ZNF516: variants seen among roughly 807,000 people sequenced by gnomAD.
The protein encoded by ZNF516 is zinc finger protein 516.
In ZNF516, 19 loss-of-function variants were observed where a neutral mutation model predicts 79.7. That is an observed-to-expected ratio of 0.24 (90% CI 0.17 to 0.35). ZNF516 has a LOEUF of 0.35. Among genes scored for constraint, ZNF516 ranks in the 10% least tolerant of loss-of-function variants. The pLI, the probability that ZNF516 is intolerant of heterozygous loss-of-function variation, is 1.00. For synonymous variants in ZNF516, 877 were observed against 739.5 expected (o/e 1.19, Z -3.02); for missense variants, 1,678 against 1,679.5 (o/e 1.00, Z 0.02).
At position 76,451,638 on chromosome 18, in the gene ZNF516, C is replaced by T. The variant is rs926833498; in HGVS notation, c.-157-8427G>A. The stretch of plus-strand genomic sequence containing the variant: ...CTACTACGGGGTCGGCGCAGAAGCC[C>T]GTGCGTGTGCTGAGTGGGTGCAAGG... On this transcript the variant is annotated intron_variant, in intron 2 of 6. Coordinates refer to ENST00000443185, the MANE Select transcript of ZNF516 (RefSeq NM_014643.4). This position sits in a 1 kb window ranked among gnomAD's most constrained non-coding sequence, Gnocchi z 6.0. Among the ~76,000 whole-genome samples the T allele has an allele frequency of 2.6e-5, 4 of 152,198 alleles. No homozygotes were observed. The highest frequency in any genetic ancestry group is 1.9e-4 in the East Asian group (1 of 5,198).
At chr18:76,371,407 G>A (rs1031102103) in intron 5 of ZNF516, 60 bp downstream of exon 5, 1 of 1,493,994 alleles carries the variant, frequency 6.7e-7, no homozygotes, top group Non-Finnish European at 9.1e-7. Context: ...TCAAGCCACT[G>A]ACAGAAGAGA....
At chr18:76,465,189 T>C (rs1398294533) in intron 1 of ZNF516, among the ~76,000 whole-genome samples, 2 of 152,220 alleles carry the variant, frequency 1.3e-5, no homozygotes, top group Non-Finnish European at 2.9e-5. Context: ...CAAGCTATTT[T>C]CTGGCTTAGT....
At chr18:76,417,735 A>AT (rs1196828016) in intron 3 of ZNF516, among the ~76,000 whole-genome samples, 12 of 152,226 alleles carry the variant, frequency 7.9e-5, no homozygotes, top group African/African-American at 2.7e-4. Context: ...TCCTACAAAT[A>AT]TATGTATCAT....
At chr18:76,492,069 T>G (rs746005406) in intron 1 of ZNF516, 577 of 781,898 alleles carry the variant, frequency 7.4e-4, no homozygotes, top group Non-Finnish European at 8.6e-4. Context: ...CACCCGCGCA[T>G]GGACGAGGTC....
upstream of ZNF516, chr18:76,495,824 C>A: frequency 1.0e-6 from 1 of 958,356 alleles, no homozygotes; most frequent in Non-Finnish European, 1.3e-6. Context: ...GTGTGCGTGT[C>A]ACTCAACTTC....
intron 3 of ZNF516, among the ~76,000 whole-genome samples, chr18:76,408,029 G>A (rs899088815): frequency 6.6e-6 from 1 of 152,200 alleles, no homozygotes; most frequent in Admixed American, 6.5e-5. Context: ...GTTTTGGCAC[G>A]CTAGACATGC....
chr18:76,491,679 G>C (rs182913328), intron 1 of ZNF516: 2 of 398,992 alleles, frequency 5.0e-6, no homozygotes, highest in Non-Finnish European at 6.4e-6. Flanking sequence ...CCCCCACCCC[G>C]GGGCGGGCAG....
At chr18:76,447,071 C>A (rs1429741774) in intron 2 of ZNF516, among the ~76,000 whole-genome samples, 2 of 152,170 alleles carry the variant, frequency 1.3e-5, no homozygotes, top group South Asian at 4.1e-4. Context: ...TTCCCTGCAA[C>A]GAACTCTCCT....
chr18:76,486,913 C>G lies in ZNF516; in HGVS notation c.-272+8231G>C, dbSNP rs75307678. Among the ~76,000 whole-genome samples the G allele has an allele frequency of 1.4e-4, 21 of 152,062 alleles. No homozygotes were observed. In the East Asian group the frequency reaches 3.7e-3, roughly 27 times the overall value. On this transcript the variant is annotated intron_variant, in intron 1 of 6. Coordinates refer to ENST00000443185, the MANE Select transcript of ZNF516 (RefSeq NM_014643.4). ...AAACAGGAATACGAAGTAAATCTAC[C>G]AGAATTAACACAGAGTTAAAATACA...
intron 3 of ZNF516, among the ~76,000 whole-genome samples, chr18:76,400,460 A>G (rs952564301): frequency 2.6e-5 from 4 of 152,228 alleles, no homozygotes; most frequent in Non-Finnish European, 4.4e-5. Flanking sequence ...TTATTTTAGG[A>G]CACTAAATAA....
chr18:76,470,613 C>T (rs1287040015), intron 1 of ZNF516, among the ~76,000 whole-genome samples: 1 of 152,202 alleles, frequency 6.6e-6, no homozygotes, highest in Non-Finnish European at 1.5e-5. Context: ...CATTTAACGA[C>T]CACCCTTGGC....
At chr18:76,440,742 T>TTGTGTG (rs138856557) in intron 3 of ZNF516, among the ~76,000 whole-genome samples, 4,640 of 150,004 alleles carry the variant, frequency 0.031, 83 homozygotes, top group Middle Eastern at 0.051. Flanking sequence ...GTGTGTGTGT[T>TTGTGTG]TGTGTGTGTG....
intron 3 of ZNF516, among the ~76,000 whole-genome samples, chr18:76,413,425 C>A (rs1486365252): frequency 6.8e-6 from 1 of 146,562 alleles, no homozygotes; most frequent in African/African-American, 2.6e-5. Flanking sequence ...GACGTCTGTT[C>A]AATCAATCAA....
chr18:76,396,089 T>C (rs891059665), intron 3 of ZNF516, among the ~76,000 whole-genome samples: 1 of 152,300 alleles, frequency 6.6e-6, no homozygotes, highest in East Asian at 1.9e-4. Context: ...CCTCGAATGG[T>C]AGATGGTGCT....
chr18:76,385,315 A>G (rs1338976055), intron 3 of ZNF516, among the ~76,000 whole-genome samples: 3 of 152,222 alleles, frequency 2.0e-5, no homozygotes, highest in African/African-American at 7.2e-5. Context: ...GCCGACAAGC[A>G]TGTTTCACAC....
intron 2 of ZNF516, among the ~76,000 whole-genome samples, chr18:76,447,924 G>A (rs901143574): frequency 3.3e-5 from 5 of 152,098 alleles, no homozygotes; most frequent in Non-Finnish European, 5.9e-5. Context: ...TGTTTCTCCA[G>A]AGATGTAATC....
chr18:76,382,347 C>G (rs1441220561), intron 3 of ZNF516, among the ~76,000 whole-genome samples: 2 of 152,112 alleles, frequency 1.3e-5, no homozygotes, highest in Admixed American at 6.5e-5. Flanking sequence ...ACGTTCGACT[C>G]ATTTCTAAAT....
rs12606215 is a variant in ZNF516, at chr18:76,428,828, T to C, written c.1810+12417A>G. Among the ~76,000 whole-genome samples the C allele has an allele frequency of 1.1e-4, 17 of 152,274 alleles. No homozygotes were observed. In the East Asian group the frequency reaches 1.7e-3, roughly 15 times the overall value. On this transcript the variant is annotated intron_variant, in intron 3 of 6. Coordinates refer to ENST00000443185, the MANE Select transcript of ZNF516 (RefSeq NM_014643.4). Reference sequence around the variant, plus strand: ...GCACTTCCTCACCATCGGGATTTCTTTGCAATGTGCAGGTGTTCACAAAAG... The same window carrying C: ...GCACTTCCTCACCATCGGGATTTCTCTGCAATGTGCAGGTGTTCACAAAAG...
intron 2 of ZNF516, among the ~76,000 whole-genome samples, chr18:76,458,730 T>G (rs555444145): frequency 7.1e-6 from 1 of 140,248 alleles, no homozygotes; most frequent in Admixed American, 7.1e-5. Flanking sequence ...TGTGCATGCC[T>G]GTAGGCAATG....
Sources: allele counts gnomAD v4.1 joint callset (sites outside exome capture counted in the v4.1 genomes callset), GRCh38; gene constraint gnomAD v4.1.1; non-coding constraint Gnocchi (gnomAD v3.1); transcripts MANE v1.5; gene names NCBI Gene and HGNC (gene_info 2026-07-23, HGNC 2026-07-21).